The following UGT1A8 variants were observed in gnomAD, a reference collection of about 807,000 sequenced individuals.
The protein encoded by UGT1A8 is UDP glucuronosyltransferase family 1 member A8.
Under a neutral mutation model 45.3 loss-of-function variants are expected in UGT1A8, and 39 were observed. That is an observed-to-expected ratio of 0.86 (90% CI 0.67 to 1.12). The LOEUF (loss-of-function observed/expected upper bound fraction) is 1.12, where lower values mean the gene tolerates loss of function less well. Among genes scored for constraint, UGT1A8 ranks in the 50% most tolerant of loss-of-function variants. The pLI, the probability that UGT1A8 is intolerant of heterozygous loss-of-function variation, is 0.00. For synonymous variants in UGT1A8, 275 were observed against 249.2 expected (o/e 1.10, Z -0.97); for missense variants, 719 against 664.9 (o/e 1.08, Z -0.90).
In UGT1A8 at chr2:233,618,392, G is replaced by C; in HGVS notation, c.685G>C (p.Glu229Gln). The C allele has an allele frequency of 6.2e-7, 1 of 1,613,878 alleles. No homozygotes were observed. Among genetic ancestry groups the C allele is most frequent in the Non-Finnish European group, 8.5e-7 (1 of 1,179,842 alleles). Residue 229 changes from glutamate to glutamine, a missense_variant, in exon 1 of 5, where the codon GAA becomes CAA. Coordinates refer to ENST00000373450, the MANE Select transcript of UGT1A8 (RefSeq NM_019076.5). ...CCAGTATTTTTCCAAAAATGCCCTA[G>C]AAATAGCCTCTGAAATTCTCCAAAC... ...FCQYFSKNAL[E>Q]IASEILQTPV... is the part of the protein sequence containing the mutation.
intron 1 of UGT1A8, among the ~76,000 whole-genome samples, chr2:233,668,984 T>C (rs2074129809): frequency 6.6e-6 from 1 of 152,238 alleles, no homozygotes; most frequent in Non-Finnish European, 1.5e-5. Context: ...AGTTTGAGTT[T>C]GTCTGATGTT....
chr2:233,632,541 G>C (rs553410806), intron 1 of UGT1A8, among the ~76,000 whole-genome samples: 17 of 152,244 alleles, frequency 1.1e-4, no homozygotes, highest in African/African-American at 4.1e-4. Flanking sequence ...TCCTTGAAGA[G>C]GTCTTTCCCA....
chr2:233,716,286 T>G (rs886776584), intron 1 of UGT1A8, among the ~76,000 whole-genome samples: 1 of 152,132 alleles, frequency 6.6e-6, no homozygotes, highest in African/African-American at 2.4e-5. Flanking sequence ...CTTAATATAA[T>G]CACATCTATA....
chr2:233,631,620 G>C (rs1332095080), intron 1 of UGT1A8, among the ~76,000 whole-genome samples: 1 of 152,096 alleles, frequency 6.6e-6, no homozygotes, highest in African/African-American at 2.4e-5. Flanking sequence ...ATGCTTGTTG[G>C]TTGTATAAAT....
At chr2:233,698,345 A>G (rs2075437206) in intron 1 of UGT1A8, among the ~76,000 whole-genome samples, 1 of 152,242 alleles carries the variant, frequency 6.6e-6, no homozygotes, top group African/African-American at 2.4e-5. Flanking sequence ...TCAGTTGCAA[A>G]ACATGAATGT....
chr2:233,672,935 G>A lies in UGT1A8; in HGVS notation c.855+54373G>A, dbSNP rs1353454127. 5 of 1,415,166 alleles carry A rather than the reference G, an allele frequency of 3.5e-6. No homozygotes were observed. The East Asian group carries it at 1.2e-4, about 33-fold the overall frequency. The allele number at this position is 1,415,166 out of a possible 1,614,324, so 87.7% of individuals were successfully genotyped here. A position where few individuals can be genotyped will look rare whatever the true frequency, so the allele number is the denominator to read the frequency against. ...AACAAATTATTTTGTGCCAATGCGT[G>A]TACTCGTCAGTAGCAAATTTTATAA... On this transcript the variant is annotated intron_variant, in intron 1 of 4. Coordinates refer to ENST00000373450, the MANE Select transcript of UGT1A8 (RefSeq NM_019076.5).
At chr2:233,649,170 G>T in intron 1 of UGT1A8, 1 of 441,350 alleles carries the variant, frequency 2.3e-6, no homozygotes, top group South Asian at 4.3e-5. Flanking sequence ...TGCCATCCAC[G>T]TGTTTGTTGG....
chr2:233,638,878 C>T (rs184915458), intron 1 of UGT1A8, among the ~76,000 whole-genome samples: 15 of 152,324 alleles, frequency 9.8e-5, no homozygotes, highest in Admixed American at 9.8e-4. Context: ...ACTTTCAGCT[C>T]ATGGCAAGAC....
intron 1 of UGT1A8, among the ~76,000 whole-genome samples, chr2:233,759,387 C>A (rs1697125901): frequency 6.6e-6 from 1 of 152,128 alleles, no homozygotes. Context: ...TCAGGATACT[C>A]AGAGTAACCG....
At chr2:233,699,179 ACTT>A (rs765566665) in intron 1 of UGT1A8, among the ~76,000 whole-genome samples, 72 of 151,786 alleles carry the variant, frequency 4.7e-4, no homozygotes, top group African/African-American at 1.1e-3. Flanking sequence ...TCTGATCCTC[ACTT>A]CTTCTTCAGA....
intron 1 of UGT1A8, among the ~76,000 whole-genome samples, chr2:233,710,198 G>T (rs1472621460): frequency 6.6e-6 from 1 of 152,194 alleles, no homozygotes; most frequent in African/African-American, 2.4e-5. Flanking sequence ...ATAGTTTCCA[G>T]TTGTTGGCTA....
Position 233,733,630 on chromosome 2 carries a change from C to A in UGT1A8, c.856-33404C>A, listed in dbSNP as rs2078422347. 1.3e-5 allele frequency among the ~76,000 whole-genome samples: 2 copies of A among 152,174 alleles called. 1 individual carries two copies. The highest frequency in any genetic ancestry group is 4.2e-4 in the South Asian group (2 of 4,816). On this transcript the variant is annotated intron_variant, in intron 1 of 4. Transcript: ENST00000373450. ...CATTTATTGATTTGCATATGTTGAA[C>A]CAGCCTTGCATCCCAAGGATGAAGC...
In UGT1A8 at chr2:233,716,496, CA is replaced by C. The variant is rs1188662406; in HGVS notation, c.856-50537del. On this transcript the variant is annotated intron_variant, in intron 1 of 4. Transcript: ENST00000373450. Reference sequence around the variant, plus strand: ...CTGTCCTCCGTAGTCTTCTATTCTCCAGGCTTCAGAGCTCTCAGCTTACCAT... The same window carrying C: ...CTGTCCTCCGTAGTCTTCTATTCTCCGGCTTCAGAGCTCTCAGCTTACCAT... Among the ~76,000 whole-genome samples the C allele has an allele frequency of 2.0e-5, 3 of 152,150 alleles. No individual in the cohort carries two copies. In the East Asian group the frequency reaches 5.8e-4, roughly 29 times the overall value.
At chr2:233,767,231 C>A in intron 2 of UGT1A8, 66 bp downstream of exon 2, 1 of 1,609,938 alleles carries the variant, frequency 6.2e-7, no homozygotes, top group Non-Finnish European at 8.5e-7. Flanking sequence ...AGACTTCCAG[C>A]TTCCAGATTA....
intron 1 of UGT1A8, among the ~76,000 whole-genome samples, chr2:233,696,803 G>A (rs1216746624): frequency 1.3e-5 from 2 of 152,130 alleles, no homozygotes; most frequent in African/African-American, 4.8e-5. Flanking sequence ...TGTTCCTTCT[G>A]TAGCCAGTTT....
In UGT1A8 at chr2:233,656,886, G is replaced by A. The variant is rs545142318; in HGVS notation, c.855+38324G>A. On this transcript the variant is annotated intron_variant, in intron 1 of 4. Coordinates refer to ENST00000373450, the MANE Select transcript of UGT1A8 (RefSeq NM_019076.5). The stretch of plus-strand genomic sequence containing the variant: ...CCTATTAAGATGTGCAGATAAACAC[G>A]CACATGCTTCATGTGGCATCTCCCT... Among the ~76,000 whole-genome samples, 347 of 151,972 alleles carry A rather than the reference G, an allele frequency of 2.3e-3. 18 individuals are homozygous for A. The South Asian group carries it at 0.071, about 31-fold the overall frequency.
chr2:233,698,288 A>C (rs936526047), intron 1 of UGT1A8, among the ~76,000 whole-genome samples: 8 of 152,256 alleles, frequency 5.3e-5, no homozygotes, highest in African/African-American at 1.9e-4. Context: ...CTATGAAAAA[A>C]AATGTGTCTT....
intron 1 of UGT1A8, among the ~76,000 whole-genome samples, chr2:233,674,166 A>G (rs2074275839): frequency 6.6e-6 from 1 of 152,208 alleles, no homozygotes; most frequent in Non-Finnish European, 1.5e-5. Flanking sequence ...TAACACAGTC[A>G]TATTCTCTCA....
intron 1 of UGT1A8, among the ~76,000 whole-genome samples, chr2:233,736,953 C>G (rs1030380285): frequency 2.0e-5 from 3 of 152,174 alleles, no homozygotes; most frequent in Admixed American, 1.3e-4. Flanking sequence ...TGTCTGTTGG[C>G]CCCTACTGGG....
Sources: allele counts gnomAD v4.1 joint callset (sites outside exome capture counted in the v4.1 genomes callset), GRCh38; gene constraint gnomAD v4.1.1; transcripts MANE v1.5; gene names NCBI Gene and HGNC (gene_info 2026-07-23, HGNC 2026-07-21).